SORCS2: variants seen among roughly 807,000 people sequenced by gnomAD.
SORCS2 encodes sortilin related VPS10 domain containing receptor 2.
SORCS2 carries 100 observed loss-of-function variants against 141.6 expected under a neutral mutation model. The ratio of observed to expected loss-of-function variants is 0.71; its 90% confidence interval spans 0.60 to 0.83. The LOEUF is 0.83. Among genes scored for constraint, SORCS2 ranks in the 40% least tolerant of loss-of-function variants. The pLI, the probability that SORCS2 is intolerant of heterozygous loss-of-function variation, is 0.00. For missense variants in SORCS2, 1,646 were observed against 1,560.2 expected (o/e 1.05, Z -0.93); for synonymous variants, 789 against 676.9 (o/e 1.17, Z -2.57).
At chr4:7,481,547 C>A (rs989194957) in intron 2 of SORCS2, among the ~76,000 whole-genome samples, 2 of 152,058 alleles carry the variant, frequency 1.3e-5, no homozygotes, top group Non-Finnish European at 1.5e-5. Context: ...TCGGGGGAGC[C>A]GAGAGGGATG....
intron 2 of SORCS2, among the ~76,000 whole-genome samples, chr4:7,399,301 C>T (rs550588983): frequency 1.3e-5 from 2 of 151,922 alleles, no homozygotes; most frequent in Non-Finnish European, 2.9e-5. Context: ...GCGGTGCCCT[C>T]GTCTGGAGAG....
rs189834801 is a variant in SORCS2 at position 7,651,681 on chromosome 4, G to C, written c.814-2453G>C. ...CTGGACAGGGGAGCCGCTCCAGTTT[G>C]TAAGAAGCCTGCAGTTTATGTAGCT... On this transcript the variant is annotated intron_variant, in intron 4 of 26. Transcript: ENST00000507866. Among the ~76,000 whole-genome samples, 44 of 152,328 alleles carry C rather than the reference G, an allele frequency of 2.9e-4. 1 individual carries two copies. The highest frequency in any genetic ancestry group is 1.0e-3 in the African/African-American group (42 of 41,566).
chr4:7,554,911 G>C (rs573304201), intron 3 of SORCS2, among the ~76,000 whole-genome samples: 1 of 152,318 alleles, frequency 6.6e-6, no homozygotes, highest in East Asian at 1.9e-4. Flanking sequence ...GTTCTCAGGA[G>C]AGCTGAGGAA....
intron 17 of SORCS2, among the ~76,000 whole-genome samples, chr4:7,716,605 C>G (rs1726207882): frequency 6.6e-6 from 1 of 152,242 alleles, no homozygotes; most frequent in Non-Finnish European, 1.5e-5. Flanking sequence ...AATTCATCCA[C>G]TATCCACCCA....
chr4:7,733,259 C>A, intron 23 of SORCS2, 63 bp from the exon 24 acceptor site: 1 of 1,300,162 alleles, frequency 7.7e-7, no homozygotes, highest in Non-Finnish European at 1.0e-6. Context: ...ACCCCATCCC[C>A]CTTCCCTTTT....
chr4:7,470,272 G>GCCATCCTC (rs1729891944), intron 2 of SORCS2, among the ~76,000 whole-genome samples: 4 of 147,366 alleles, frequency 2.7e-5, no homozygotes, highest in African/African-American at 1.0e-4. Flanking sequence ...CTCCCATCCT[G>GCCATCCTC]CCATCCTCCC....
chr4:7,426,947 G>A (rs191097723), intron 2 of SORCS2, among the ~76,000 whole-genome samples: 42 of 152,330 alleles, frequency 2.8e-4, no homozygotes, highest in Admixed American at 5.2e-4. Context: ...TGGAGCGATG[G>A]GGCCCTGAGG....
intron 2 of SORCS2, among the ~76,000 whole-genome samples, chr4:7,483,213 C>T (rs531447427): frequency 4.6e-5 from 7 of 151,374 alleles, no homozygotes; most frequent in African/African-American, 1.7e-4. Context: ...GTCCCAGCTA[C>T]TCGGGAGGCT....
chr4:7,634,367 G>C (rs1334394665), intron 3 of SORCS2, among the ~76,000 whole-genome samples: 1 of 104,876 alleles, frequency 9.5e-6, no homozygotes, highest in African/African-American at 3.7e-5. Context: ...GCGAGACTGT[G>C]TCTCAAAAAA....
chr4:7,345,199 G>A (rs779077940), intron 1 of SORCS2, among the ~76,000 whole-genome samples: 1 of 152,212 alleles, frequency 6.6e-6, no homozygotes, highest in Non-Finnish European at 1.5e-5. Context: ...CAGAGGCTGT[G>A]CTGTTTACAT....
intron 3 of SORCS2, among the ~76,000 whole-genome samples, chr4:7,571,716 A>C (rs960388294): frequency 6.6e-6 from 1 of 152,200 alleles, no homozygotes; most frequent in Non-Finnish European, 1.5e-5. Context: ...GCATGTCACC[A>C]GGAAAAGGGG....
At chr4:7,406,824 A>G (rs1724998582) in intron 2 of SORCS2, among the ~76,000 whole-genome samples, 1 of 151,798 alleles carries the variant, frequency 6.6e-6, no homozygotes, top group Admixed American at 6.6e-5. Flanking sequence ...GTTTATTGCT[A>G]TAAACTTTCC....
intron 2 of SORCS2, among the ~76,000 whole-genome samples, chr4:7,429,869 T>C (rs1422867187): frequency 1.3e-5 from 2 of 152,148 alleles, no homozygotes; most frequent in African/African-American, 2.4e-5. Context: ...CATCCACCTC[T>C]GGGGAATAGA....
intron 3 of SORCS2, among the ~76,000 whole-genome samples, chr4:7,585,884 G>C (rs1243656661): frequency 6.6e-6 from 1 of 152,234 alleles, no homozygotes; most frequent in South Asian, 2.1e-4. Flanking sequence ...CTTCCTTGCA[G>C]ACATCTGAAG....
chr4:7,227,302 C>T (rs1729048295), intron 1 of SORCS2, among the ~76,000 whole-genome samples: 1 of 152,226 alleles, frequency 6.6e-6, no homozygotes, highest in Non-Finnish European at 1.5e-5. Flanking sequence ...GTTTCCCTCG[C>T]ATCTGTGCTT....
chr4:7,531,629 G>A lies in SORCS2; in HGVS notation c.648G>A (p.Lys216=). Residue 216 remains lysine, a splice_region_variant and synonymous_variant, in exon 3 of 27, where the codon AAG becomes AAA. Transcript: ENST00000507866. ...ACATCTGCCCGACCAACAAGAGGAA[G>A]GTAGGTGCTGGCTGGGGGTGGCCGC... ...NFYICPTNKR[K]VILVSSSLSD... is the part of the protein sequence containing the mutation. 7 of 1,613,272 alleles carry A rather than the reference G, an allele frequency of 4.3e-6. No homozygotes were observed. Among genetic ancestry groups the A allele is most frequent in the Non-Finnish European group, 5.9e-6 (7 of 1,179,578 alleles).
chr4:7,355,527 C>T (rs954468439), intron 1 of SORCS2, among the ~76,000 whole-genome samples: 6 of 152,090 alleles, frequency 3.9e-5, no homozygotes, highest in African/African-American at 1.4e-4. Flanking sequence ...CGCAGGGCCC[C>T]AGGTGCCTTC....
At chr4:7,265,943 G>A (rs993187829) in intron 1 of SORCS2, among the ~76,000 whole-genome samples, 5 of 152,020 alleles carry the variant, frequency 3.3e-5, no homozygotes, top group South Asian at 2.1e-4. Context: ...GTTGTTTGTC[G>A]AAAAACAGCC....
chr4:7,467,985 A>G (rs1729725781), intron 2 of SORCS2, among the ~76,000 whole-genome samples: 1 of 152,196 alleles, frequency 6.6e-6, no homozygotes, highest in South Asian at 2.1e-4. Flanking sequence ...TCCTGGCTTC[A>G]GAAGCAAGAT....
Sources: allele counts gnomAD v4.1 joint callset (sites outside exome capture counted in the v4.1 genomes callset), GRCh38; gene constraint gnomAD v4.1.1; transcripts MANE v1.5; gene names NCBI Gene and HGNC (gene_info 2026-07-23, HGNC 2026-07-21).